Variants in CCSER1 observed in about 807,000 individuals in gnomAD.
The protein encoded by CCSER1 is coiled-coil serine rich protein 1, also known as serine-rich coiled-coil domain-containing protein 1.
In CCSER1, 41 loss-of-function variants were observed where a neutral mutation model predicts 82.0. The observed-to-expected ratio is 0.50, with a 90% CI of 0.39 to 0.65. The LOEUF is 0.65. CCSER1 is among the 30% of genes least tolerant of loss of function. CCSER1 has a pLI of 0.00. For missense variants in CCSER1, 1,119 were observed against 1,064.2 expected (o/e 1.05, Z -0.72); for synonymous variants, 414 against 383.9 (o/e 1.08, Z -0.92).
chr4:91,473,738 A>T (rs1757411083), intron 10 of CCSER1, among the ~76,000 whole-genome samples: 2 of 152,108 alleles, frequency 1.3e-5, no homozygotes, highest in Admixed American at 1.3e-4. Context: ...AATCATGGCT[A>T]TTATTTTTAC....
intron 10 of CCSER1, among the ~76,000 whole-genome samples, chr4:91,245,114 T>A (rs1010891279): frequency 6.6e-6 from 1 of 151,884 alleles, no homozygotes; most frequent in South Asian, 2.1e-4. Context: ...GAAAAAAGAA[T>A]AGAAAACAAT....
chr4:90,936,344 G>T (rs984643303), intron 9 of CCSER1, among the ~76,000 whole-genome samples: 1 of 151,968 alleles, frequency 6.6e-6, no homozygotes, highest in Non-Finnish European at 1.5e-5. Context: ...TCATAAAAAA[G>T]AATCTTTCAA....
chr4:90,424,177 G>A (rs28413728), intron 4 of CCSER1, among the ~76,000 whole-genome samples: 2,694 of 125,942 alleles, frequency 0.021, 36 homozygotes, highest in African/African-American at 0.084. Context: ...GCATTGATTA[G>A]CAACTTTTTT....
At chr4:91,519,718 G>C (rs183263744) in intron 10 of CCSER1, among the ~76,000 whole-genome samples, 1 of 152,232 alleles carries the variant, frequency 6.6e-6, no homozygotes, top group Admixed American at 6.5e-5. Context: ...CTATGGAGGG[G>C]GTGTCTCCCC....
intron 9 of CCSER1, among the ~76,000 whole-genome samples, chr4:91,009,626 G>T (rs1377375612): frequency 6.6e-6 from 1 of 152,004 alleles, no homozygotes; most frequent in Non-Finnish European, 1.5e-5. Flanking sequence ...ATTTTATGTA[G>T]TGCTAAGCTT....
At chr4:90,319,903 T>C (rs1331601984) in intron 3 of CCSER1, among the ~76,000 whole-genome samples, 4 of 152,210 alleles carry the variant, frequency 2.6e-5, no homozygotes, top group African/African-American at 7.2e-5. Flanking sequence ...TCCTCAATTC[T>C]TATAAATTTT....
intron 4 of CCSER1, among the ~76,000 whole-genome samples, chr4:90,415,090 T>C (rs1287026104): frequency 6.6e-6 from 1 of 152,160 alleles, no homozygotes. Flanking sequence ...TTGAGTGTCC[T>C]ATTAGCATGT....
At chr4:90,429,323 T>G (rs552295626) in intron 4 of CCSER1, among the ~76,000 whole-genome samples, 3 of 151,784 alleles carry the variant, frequency 2.0e-5, no homozygotes, top group African/African-American at 7.2e-5. Context: ...ATTGGTTATA[T>G]AAAAAGCTGT....
At chr4:90,879,576 A>G (rs62312264) in intron 8 of CCSER1, among the ~76,000 whole-genome samples, 2 of 71,688 alleles carry the variant, frequency 2.8e-5, no homozygotes, top group Non-Finnish European at 5.8e-5. Context: ...AAGAGGAAGA[A>G]GAAGAAGAGG....
chr4:91,205,059 A>G (rs1401367329), intron 10 of CCSER1, among the ~76,000 whole-genome samples: 1 of 151,736 alleles, frequency 6.6e-6, no homozygotes, highest in Non-Finnish European at 1.5e-5. Flanking sequence ...ATACATAAAC[A>G]TGTTTCAAAA....
intron 10 of CCSER1, among the ~76,000 whole-genome samples, chr4:91,437,526 C>A (rs373134551): frequency 6.6e-6 from 1 of 151,868 alleles, no homozygotes; most frequent in Non-Finnish European, 1.5e-5. Flanking sequence ...GGAACAGCTC[C>A]GGTCTACAGC....
At chr4:91,293,606 A>C (rs1743922254) in intron 10 of CCSER1, among the ~76,000 whole-genome samples, 1 of 151,986 alleles carries the variant, frequency 6.6e-6, no homozygotes, top group Non-Finnish European at 1.5e-5. Context: ...TGTTGGTGAG[A>C]ATGCATTCAA....
intron 10 of CCSER1, among the ~76,000 whole-genome samples, chr4:91,408,206 T>G (rs1752817704): frequency 1.3e-5 from 2 of 152,220 alleles, no homozygotes; most frequent in African/African-American, 4.8e-5. Flanking sequence ...AAGTAAATAT[T>G]TCTTTTCACT....
intron 10 of CCSER1, among the ~76,000 whole-genome samples, chr4:91,456,725 T>C (rs1279580481): frequency 2.0e-5 from 3 of 152,108 alleles, no homozygotes; most frequent in Non-Finnish European, 4.4e-5. Context: ...TTTTATAAAT[T>C]GTAGCTCTGA....
intron 10 of CCSER1, among the ~76,000 whole-genome samples, chr4:91,355,512 A>G (rs1466865883): frequency 1.3e-5 from 2 of 152,156 alleles, no homozygotes; most frequent in Non-Finnish European, 2.9e-5. Flanking sequence ...GTCCTGGTAC[A>G]CTTATAATAA....
chr4:91,210,796 C>T (rs1736752779), intron 10 of CCSER1, among the ~76,000 whole-genome samples: 1 of 151,734 alleles, frequency 6.6e-6, no homozygotes, highest in African/African-American at 2.4e-5. Context: ...GTCTGTATAA[C>T]TTGAAGAGGT....
chr4:91,433,578 A>G (rs72656201), intron 10 of CCSER1, among the ~76,000 whole-genome samples: 14,898 of 152,256 alleles, frequency 0.098, 804 homozygotes, highest in Non-Finnish European at 0.12. Flanking sequence ...GTTTGGATAC[A>G]TAAACATTTA....
intron 6 of CCSER1, among the ~76,000 whole-genome samples, chr4:90,696,798 A>G (rs1488263766): frequency 1.3e-5 from 2 of 152,152 alleles, no homozygotes; most frequent in African/African-American, 2.4e-5. Context: ...CAGCACAGAA[A>G]GCATATATAA....
At chr4:90,640,755 G>A (rs1009736152) in intron 6 of CCSER1, among the ~76,000 whole-genome samples, 16 of 152,106 alleles carry the variant, frequency 1.1e-4, no homozygotes, top group Admixed American at 4.6e-4. Context: ...TTCCCCTTTC[G>A]CTCTGCACTT....
Sources: gnomAD v4.1 joint callset for allele counts (sites outside exome capture counted in the v4.1 genomes callset) on GRCh38, gnomAD v4.1.1 for gene constraint, MANE v1.5 for transcripts, NCBI Gene and HGNC (gene_info 2026-07-23, HGNC 2026-07-21) for gene names.